The following SNED1 variants were observed in gnomAD, a reference collection of about 807,000 sequenced individuals.
SNED1 encodes the protein sushi, nidogen and EGF like domains 1.
Under a neutral mutation model 166.7 loss-of-function variants are expected in SNED1, and 81 were observed. The observed-to-expected ratio is 0.49, with a 90% confidence interval of 0.41 to 0.58. SNED1 has a LOEUF of 0.58. Ranked by LOEUF, SNED1 falls within the 20% of genes least tolerant of loss-of-function variation. SNED1 has a pLI of 0.00. For synonymous variants in SNED1, 762 were observed against 822.0 expected (o/e 0.93, Z 1.25); for missense variants, 1,604 against 2,000.2 (o/e 0.80, Z 3.78).
intron 1 of SNED1, among the ~76,000 whole-genome samples, chr2:241,002,683 G>C (rs1363814411): frequency 6.6e-6 from 1 of 152,246 alleles, no homozygotes; most frequent in East Asian, 1.9e-4. Flanking sequence ...GGATGGAGCA[G>C]GACGTCATGC....
chr2:241,040,554 C>A, intron 8 of SNED1, 141 bp downstream of exon 8: 1 of 620,150 alleles, frequency 1.6e-6, no homozygotes, highest in Non-Finnish European at 2.8e-6. Context: ...GCCTCTGCCC[C>A]CTTCCCACTC....
intron 8 of SNED1, among the ~76,000 whole-genome samples, chr2:241,047,730 C>G (rs2061690439): frequency 6.6e-6 from 1 of 152,242 alleles, no homozygotes; most frequent in Non-Finnish European, 1.5e-5. Context: ...CCTTCTTGTT[C>G]TGTCCATTCC....
At chr2:241,021,443 C>G (rs1259839877) in intron 1 of SNED1, among the ~76,000 whole-genome samples, 1 of 152,168 alleles carries the variant, frequency 6.6e-6, no homozygotes, top group East Asian at 1.9e-4. Flanking sequence ...GCCCTCACAC[C>G]CCAGCCCCCC....
At chr2:241,037,087 C>G in intron 5 of SNED1, 153 bp from the exon 6 acceptor site, 1 of 1,010,528 alleles carries the variant, frequency 9.9e-7, no homozygotes, top group Admixed American at 2.3e-5. Flanking sequence ...CCATGGCCCC[C>G]TGGAGTGAGC....
chr2:241,089,243 G>A (rs1294340477), intron 31 of SNED1: 1 of 1,498,280 alleles, frequency 6.7e-7, no homozygotes, highest in East Asian at 2.5e-5. Context: ...GTTGGCCTAG[G>A]ACAGCTTTGC....
At position 241,068,075 on chromosome 2, in the gene SNED1, G is replaced by A. The variant is rs9751826; in HGVS notation, c.3194+128G>A. The A allele has an allele frequency of 4.0e-4, 349 of 879,306 alleles. 1 individual carries two copies. The African/African-American group carries it at 4.9e-3, about 12-fold the overall frequency. The allele number at this position is 879,306 out of a possible 1,614,324, so 54.5% of individuals were successfully genotyped here. A position where few individuals can be genotyped will look rare whatever the true frequency, so the allele number is the denominator to read the frequency against. On this transcript the variant is annotated intron_variant, in intron 22 of 31. Coordinates refer to ENST00000310397, the MANE Select transcript of SNED1 (RefSeq NM_001080437.3). This position sits in a 1 kb window ranked among gnomAD's most constrained non-coding sequence, Gnocchi z 5.3. ...ACCACCTGCCGCTCCTCACCTGAGC[G>A]GAGACAAAGGTCTCAGGTGAGCCAG...
At chr2:241,085,472 T>TTA (rs1164448986) in intron 29 of SNED1, among the ~76,000 whole-genome samples, 2 of 152,244 alleles carry the variant, frequency 1.3e-5, no homozygotes, top group African/African-American at 2.4e-5. Context: ...TTCATTATCT[T>TTA]TATATTTTCC....
upstream of SNED1, among the ~76,000 whole-genome samples, chr2:240,997,845 G>A (rs187753806): frequency 3.3e-3 from 499 of 152,310 alleles, 3 homozygotes; most frequent in Non-Finnish European, 5.9e-3. Context: ...AGGTGGTCCC[G>A]GCTGAGGCCC....
intron 6 of SNED1, 56 bp downstream of exon 6, chr2:241,037,409 A>G (rs2125028467): frequency 8.4e-7 from 1 of 1,184,814 alleles, no homozygotes; most frequent in Non-Finnish European, 1.2e-6. Flanking sequence ...ATAGCGGGAG[A>G]CACAGCTGGA....
intron 21 of SNED1, among the ~76,000 whole-genome samples, chr2:241,067,175 C>T (rs1023176733): frequency 4.6e-5 from 7 of 152,184 alleles, no homozygotes; most frequent in African/African-American, 1.2e-4. Flanking sequence ...TGGAAGGGAC[C>T]GCTGTCCACA....
intron 1 of SNED1, among the ~76,000 whole-genome samples, chr2:241,011,235 T>G (rs374909756): frequency 0.012 from 670 of 55,568 alleles, no homozygotes; most frequent in African/African-American, 0.034. Context: ...TCCTGGGGGT[T>G]GCAGGTCTCC....
rs559130605 is a variant in SNED1, at chr2:241,053,123, C to T, written c.2084-30C>T. The stretch of plus-strand genomic sequence containing the variant: ...GGGGAGGGGCCAGGAAGGCACAGGA[C>T]CGTGCGAGACAGGCTGCCGTGCCTT... On this transcript the variant is annotated intron_variant, in intron 15 of 31. Transcript: ENST00000310397. The T allele has an allele frequency of 4.4e-6, 7 of 1,593,486 alleles. No homozygotes were observed. In the African/African-American group the frequency reaches 8.0e-5, roughly 18 times the overall value.
At chr2:241,012,018 G>A (rs1053339710) in intron 1 of SNED1, among the ~76,000 whole-genome samples, 4 of 152,208 alleles carry the variant, frequency 2.6e-5, no homozygotes, top group Non-Finnish European at 5.9e-5. Context: ...GGGTGGGCCC[G>A]AGGCCTCTGC....
intron 21 of SNED1, among the ~76,000 whole-genome samples, chr2:241,067,158 T>C (rs1227431273): frequency 6.6e-6 from 1 of 152,106 alleles, no homozygotes; most frequent in Non-Finnish European, 1.5e-5. Flanking sequence ...CAGCCAGCCA[T>C]GGTGGGTGGA....
In SNED1 at chr2:241,094,369, G is replaced by C. The variant is rs539504497; in HGVS notation, c.*2733G>C. The C allele has an allele frequency of 2.1e-6, 1 of 470,914 alleles. No individual in the cohort carries two copies. The highest frequency in any genetic ancestry group is 2.3e-5 in the Admixed American group (1 of 42,580). 29.2% of individuals were successfully genotyped at this position (470,914 alleles called of 1,614,324 possible). ...CTGTGGCGATGTGGACGGAGTCACC[G>C]AGCTGCTTTTCTTTTGCAAAACAAA... is the stretch of plus-strand genomic sequence containing the variant. On this transcript the variant is annotated 3_prime_UTR_variant, in exon 32 of 32. Coordinates refer to ENST00000310397, the MANE Select transcript of SNED1 (RefSeq NM_001080437.3). This position sits in a 1 kb window ranked among gnomAD's most constrained non-coding sequence, Gnocchi z 4.3.
chr2:241,034,053 C>G (rs979549641), intron 3 of SNED1, among the ~76,000 whole-genome samples, 178 bp downstream of exon 3: 14 of 152,202 alleles, frequency 9.2e-5, no homozygotes, highest in Admixed American at 7.2e-4. Context: ...AAAACAGAAA[C>G]ATCCTCAGGC....
At chr2:241,071,950 GTCCCCTACAT>G in intron 26 of SNED1, 72 bp downstream of exon 26, 1 of 1,260,978 alleles carries the variant, frequency 7.9e-7, no homozygotes, top group Non-Finnish European at 1.1e-6. Context: ...ACCAGGTCCT[GTCCCCTACAT>G]GATGAGCCCA....
At chr2:241,088,643 C>G in intron 31 of SNED1, 1 of 546,264 alleles carries the variant, frequency 1.8e-6, no homozygotes, top group Non-Finnish European at 3.2e-6. Context: ...ATGAGGCTCT[C>G]TGTGGATAGG....
In SNED1 at chr2:241,049,817, C is replaced by T; in HGVS notation, c.1619C>T (p.Ser540Phe). The T allele has an allele frequency of 6.2e-7, 1 of 1,612,784 alleles. No individual in the cohort carries two copies. The highest frequency in any genetic ancestry group is 2.2e-5 in the East Asian group (1 of 44,868). Residue 540 changes from serine (S) to phenylalanine (F), a missense_variant and splice_region_variant, in exon 12 of 32, where the codon TCC becomes TTC. This residue lies in a region of SNED1 where 1,237 missense variants were observed against 1,620.8 expected (regional missense o/e 0.76). Coordinates refer to ENST00000310397, the MANE Select transcript of SNED1 (RefSeq NM_001080437.3). ...ACCACCCTCTGTCCCCCGCCCCCAG[C>T]CCTGCCATCACCCTGCGACTCGGAC... is the stretch of plus-strand genomic sequence containing the variant. Reference protein sequence around the residue: ...VCHTDHNASHSLPSPCDSDPC... With the variant: ...VCHTDHNASHFLPSPCDSDPC...
Sources: allele counts gnomAD v4.1 joint callset (sites outside exome capture counted in the v4.1 genomes callset), GRCh38; gene constraint gnomAD v4.1.1; regional missense constraint gnomAD v4.1.1; non-coding constraint Gnocchi (gnomAD v3.1); transcripts MANE v1.5; gene names NCBI Gene and HGNC (gene_info 2026-07-23, HGNC 2026-07-21).